The following SNX25 variants were observed in gnomAD, a reference collection of about 807,000 sequenced individuals.
SNX25 encodes the protein sorting nexin-25.
SNX25 carries 62 observed loss-of-function variants against 113.7 expected under a neutral mutation model. The ratio of observed to expected loss-of-function variants is 0.55; its 90% CI spans 0.44 to 0.67. The LOEUF (loss-of-function observed/expected upper bound fraction) is 0.67. Ranked by LOEUF, SNX25 falls within the 30% of genes least tolerant of loss-of-function variation. The pLI, the probability that SNX25 is intolerant of heterozygous loss-of-function variation, is 0.00. For synonymous variants in SNX25, 421 were observed against 436.2 expected, an observed-to-expected ratio of 0.97 and a Z score of 0.43; for missense variants, 1,014 against 1,161.0, an observed-to-expected ratio of 0.87 and a Z score of 1.84.
chr4:185,272,478 G>T (rs1749080475), intron 5 of SNX25, among the ~76,000 whole-genome samples: 1 of 152,158 alleles, frequency 6.6e-6, no homozygotes, highest in Non-Finnish European at 1.5e-5. Context: ...GTGTAATCCT[G>T]CAGTGCATTT....
At chr4:185,288,142 T>G in intron 6 of SNX25, 60 bp downstream of exon 6, 1 of 1,324,808 alleles carries the variant, frequency 7.5e-7, no homozygotes. Context: ...ATCCCCGGCC[T>G]TCTCCCACCT....
chr4:185,302,449 A>C (rs997903116), intron 6 of SNX25, among the ~76,000 whole-genome samples: 2 of 152,184 alleles, frequency 1.3e-5, no homozygotes, highest in African/African-American at 2.4e-5. Context: ...GGAGAGCACC[A>C]GAATTGAATT....
At chr4:185,324,679 A>G (rs993120698) in intron 9 of SNX25, among the ~76,000 whole-genome samples, 1 of 152,132 alleles carries the variant, frequency 6.6e-6, no homozygotes, top group African/African-American at 2.4e-5. Context: ...TTATGGTCTT[A>G]CTGACTTCAG....
At chr4:185,298,584 T>C (rs760719073) in intron 6 of SNX25, among the ~76,000 whole-genome samples, 7 of 152,174 alleles carry the variant, frequency 4.6e-5, no homozygotes, top group African/African-American at 4.8e-5. Context: ...AAGGTCTTGC[T>C]TCCTCTGGTC....
intron 6 of SNX25, among the ~76,000 whole-genome samples, chr4:185,296,771 G>A (rs773781262): frequency 6.6e-6 from 1 of 152,150 alleles, no homozygotes; most frequent in Non-Finnish European, 1.5e-5. Flanking sequence ...AGTCTCTGAA[G>A]TTTTAGTTTG....
chr4:185,251,291 G>A (rs952192774), intron 2 of SNX25, among the ~76,000 whole-genome samples: 4 of 152,106 alleles, frequency 2.6e-5, no homozygotes, highest in Non-Finnish European at 4.4e-5. Flanking sequence ...CCCCGCACCC[G>A]GCCTTAGTTC....
chr4:185,304,280 G>A (rs960230575), intron 6 of SNX25, among the ~76,000 whole-genome samples: 14 of 152,196 alleles, frequency 9.2e-5, no homozygotes, highest in Non-Finnish European at 4.4e-5. Context: ...GACCTGCTGG[G>A]CTCAAGTGAT....
At chr4:185,293,711 AT>A (rs1752484097) in intron 6 of SNX25, among the ~76,000 whole-genome samples, 1 of 151,526 alleles carries the variant, frequency 6.6e-6, no homozygotes, top group Non-Finnish European at 1.5e-5. Context: ...ACAAAAGGTG[AT>A]TTTTAATTTT....
At chr4:185,243,504 G>C (rs1469304499) in intron 1 of SNX25, among the ~76,000 whole-genome samples, 3 of 152,128 alleles carry the variant, frequency 2.0e-5, no homozygotes, top group Non-Finnish European at 2.9e-5. Flanking sequence ...TCAGGAGGCT[G>C]AGGGGGAAGG....
intron 9 of SNX25, 59 bp downstream of exon 9, chr4:185,323,859 G>C: frequency 2.5e-6 from 4 of 1,583,586 alleles, no homozygotes; most frequent in Non-Finnish European, 1.7e-6. Context: ...ATATGTTTAA[G>C]TGGGTGCATA....
intron 2 of SNX25, among the ~76,000 whole-genome samples, chr4:185,253,173 ATAATT>A (rs1453572496): frequency 6.6e-6 from 1 of 152,216 alleles, no homozygotes; most frequent in African/African-American, 2.4e-5. Flanking sequence ...TGTGAACCAG[ATAATT>A]TAATTGTATA....
chr4:185,339,293 G>A (rs2095248193), intron 10 of SNX25, 86 bp from the exon 11 acceptor site: 4 of 1,256,242 alleles, frequency 3.2e-6, no homozygotes, highest in African/African-American at 3.0e-5. Flanking sequence ...GCTGATTATT[G>A]TGTGTTGACT....
chr4:185,214,060 T>A (rs3112887), intron 1 of SNX25, among the ~76,000 whole-genome samples: 1 of 151,544 alleles, frequency 6.6e-6, no homozygotes, highest in African/African-American at 2.4e-5. Context: ...CTCTCTCTCT[T>A]CTTTTTCCCC....
At chr4:185,272,736 T>C (rs1219076936) in intron 5 of SNX25, among the ~76,000 whole-genome samples, 3 of 152,216 alleles carry the variant, frequency 2.0e-5, no homozygotes, top group Non-Finnish European at 4.4e-5. Flanking sequence ...CCCTAATTAT[T>C]TGAAAACTGG....
chr4:185,310,483 G>C lies in SNX25; in HGVS notation c.1163-152G>C, dbSNP rs528292954. On this transcript the variant is annotated intron_variant, in intron 6 of 18. Coordinates refer to ENST00000652585, the MANE Select transcript of SNX25 (RefSeq NM_001378034.2). ...GATTGGCATTTTTATTTGGGAGTAT[G>C]TATATGTATTTATCATGGATTCTGT... 10 of 511,812 alleles carry C rather than the reference G, an allele frequency of 2.0e-5. No individual in the cohort carries two copies. In the East Asian group the frequency reaches 3.2e-4, roughly 16 times the overall value. 31.7% of individuals were successfully genotyped at this position (511,812 alleles called of 1,614,324 possible).
chr4:185,258,498 C>T (rs1417364483), intron 2 of SNX25, among the ~76,000 whole-genome samples: 1 of 152,044 alleles, frequency 6.6e-6, no homozygotes, highest in Non-Finnish European at 1.5e-5. Flanking sequence ...AAGCTGAACT[C>T]GGAGCAAAGA....
intron 6 of SNX25, among the ~76,000 whole-genome samples, chr4:185,290,506 C>G (rs760932704): frequency 6.6e-6 from 1 of 152,194 alleles, no homozygotes; most frequent in Non-Finnish European, 1.5e-5. Flanking sequence ...ATTGTCACCT[C>G]CAGCCTCTAT....
At chr4:185,346,024 A>AT (rs886281035) in intron 12 of SNX25, among the ~76,000 whole-genome samples, 21 of 152,126 alleles carry the variant, frequency 1.4e-4, no homozygotes, top group East Asian at 5.8e-4. Flanking sequence ...CGCCAGGCTA[A>AT]TTTTTTGTAT....
At chr4:185,296,735 C>G (rs1431078400) in intron 6 of SNX25, among the ~76,000 whole-genome samples, 2 of 152,120 alleles carry the variant, frequency 1.3e-5, no homozygotes, top group African/African-American at 4.8e-5. Context: ...GAAAACTTAA[C>G]AAGTACGAAA....
Sources: allele counts gnomAD v4.1 joint callset (sites outside exome capture counted in the v4.1 genomes callset), GRCh38; gene constraint gnomAD v4.1.1; transcripts MANE v1.5; gene names NCBI Gene and HGNC (gene_info 2026-07-23, HGNC 2026-07-21).